The following COPG2 variants were observed in gnomAD, a reference collection of about 807,000 sequenced individuals.
COPG2 encodes the protein coatomer subunit gamma-2.
A neutral mutation model predicts 46.3 loss-of-function variants in COPG2; 37 were observed. The observed-to-expected ratio is 0.80, with a 90% confidence interval of 0.61 to 1.05. The LOEUF (loss-of-function observed/expected upper bound fraction) is 1.05, where lower values mean the gene tolerates loss of function less well. Ranked by LOEUF, COPG2 falls within the 50% of genes least tolerant of loss-of-function variation. The pLI is 0.00. For missense variants in COPG2, 427 were observed against 387.8 expected (o/e 1.10, Z -0.85); for synonymous variants, 159 against 129.7 (o/e 1.23, Z -1.53).
chr7:130,613,190 T>C lies in COPG2; in HGVS notation c.492+354A>G, dbSNP rs114644874. 3.5e-3 allele frequency among the ~76,000 whole-genome samples: 536 copies of C among 152,186 alleles called. 6 individuals carry two copies. The highest frequency in any genetic ancestry group is 0.012 in the African/African-American group (510 of 41,478). On this transcript the variant is annotated intron_variant, in intron 7 of 23. Transcript: ENST00000425248. ...CAGATCATTAGGCATTAGATTCTCATATGAGGCCGGCAACCTAGATCCCTG... is the reference window on the plus strand; with the variant it reads ...CAGATCATTAGGCATTAGATTCTCACATGAGGCCGGCAACCTAGATCCCTG...
chr7:130,580,297 C>G (rs1332197065), intron 9 of COPG2, among the ~76,000 whole-genome samples: 2 of 145,116 alleles, frequency 1.4e-5, no homozygotes, highest in East Asian at 4.1e-4. Context: ...TTGAAACCAA[C>G]GAGAACAAAG....
intron 20 of COPG2, among the ~76,000 whole-genome samples, chr7:130,545,170 TATTTCATTTCATTTCATTTC>T (rs1221165104): frequency 6.7e-5 from 10 of 150,028 alleles, no homozygotes; most frequent in African/African-American, 1.2e-4. Context: ...ACTTACCTAT[TATTTCATTTCATTTCATTTC>T]ATTTCATTTC....
intron 11 of COPG2, among the ~76,000 whole-genome samples, chr7:130,561,449 A>C (rs1483203070): frequency 6.6e-6 from 1 of 152,226 alleles, no homozygotes; most frequent in East Asian, 1.9e-4. Flanking sequence ...TAACCTTTCT[A>C]ACATTACCAT....
intron 9 of COPG2, among the ~76,000 whole-genome samples, chr7:130,587,127 T>C (rs1794290774): frequency 6.6e-6 from 1 of 151,718 alleles, no homozygotes; most frequent in Non-Finnish European, 1.5e-5. Flanking sequence ...GCCAGCATGA[T>C]GAAACCCCGT....
chr7:130,556,808 A>C (rs2116395266), intron 12 of COPG2, among the ~76,000 whole-genome samples: 1 of 152,302 alleles, frequency 6.6e-6, no homozygotes, highest in South Asian at 2.1e-4. Flanking sequence ...GGCTTTGATA[A>C]AATCCAACAT....
chr7:130,595,361 G>A (rs527454365), intron 9 of COPG2, among the ~76,000 whole-genome samples: 1 of 152,328 alleles, frequency 6.6e-6, no homozygotes, highest in East Asian at 1.9e-4. Flanking sequence ...AGAGGGAAAA[G>A]GAGAATGCAG....
chr7:130,526,814 C>T (rs1191869189), intron 20 of COPG2, among the ~76,000 whole-genome samples: 3 of 35,754 alleles, frequency 8.4e-5, no homozygotes, highest in African/African-American at 3.2e-4. Flanking sequence ...ACGGATCCGG[C>T]GGGAAAGGGT....
At chr7:130,660,023 G>T (rs115399704) in intron 4 of COPG2, among the ~76,000 whole-genome samples, 2 of 152,134 alleles carry the variant, frequency 1.3e-5, no homozygotes, top group Admixed American at 6.5e-5. Context: ...TATAAACAAC[G>T]ATAGAAGAAT....
rs1414838764 is a variant in COPG2 at position 130,506,311 on chromosome 7, T to TC, written c.*364dup. 1.9e-5 allele frequency: 1 copy of TC among 52,270 alleles called. No individual in the cohort carries two copies. The highest frequency in any genetic ancestry group is 6.6e-4 in the East Asian group (1 of 1,522). 3.2% of individuals were successfully genotyped at this position (52,270 alleles called of 1,614,324 possible). On this transcript the variant is annotated 3_prime_UTR_variant, in exon 24 of 24. Coordinates refer to ENST00000425248, the MANE Select transcript of COPG2 (RefSeq NM_012133.6). ...GACAAAAGTGGACTCTGGCTTCCCC[T>TC]CCCCCCTCCCCCCCACCCCTCTGGG...
In COPG2 at chr7:130,568,060, C is replaced by T. The variant is rs1231310704; in HGVS notation, c.738-3667G>A. The stretch of plus-strand genomic sequence containing the variant: ...TTGGGAGGCCGAGGCAGGCAGATCA[C>T]GAGGTCAGGAGTTTGAGACCAGCCT... On this transcript the variant is annotated intron_variant, in intron 9 of 23. Coordinates refer to ENST00000425248, the MANE Select transcript of COPG2 (RefSeq NM_012133.6). 9.2e-5 allele frequency among the ~76,000 whole-genome samples: 14 copies of T among 152,150 alleles called. 1 individual carries two copies. Among genetic ancestry groups the T allele is most frequent in the South Asian group, 4.2e-4 (2 of 4,816 alleles).
At position 130,552,377 on chromosome 7, in the gene COPG2, T is replaced by C. The variant is rs1793545691; in HGVS notation, c.1522A>G (p.Ser508Gly). 7 of 398,368 alleles carry C rather than the reference T, an allele frequency of 1.8e-5. No individual in the cohort carries two copies. In the South Asian group the frequency reaches 3.8e-4, roughly 22 times the overall value. The allele number at this position is 398,368 out of a possible 1,614,324, so 24.7% of individuals were successfully genotyped here. Reference protein sequence around the residue: ...FGAQNESLLPSILVLLQRCMM... With the variant: ...FGAQNESLLPGILVLLQRCMM... ...TACCTCTGTAAGAGTACAAGGATGC[T>C]TGGGAGAAGACTCTCATTCTGAGCC... is the stretch of plus-strand genomic sequence containing the variant. Residue 508 changes from serine (S) to glycine (G), a missense_variant, in exon 15 of 24, where the codon AGC becomes GGC. By Grantham distance (56) the Ser-to-Gly change is moderately conservative. Transcript: ENST00000425248.
intron 20 of COPG2, among the ~76,000 whole-genome samples, chr7:130,532,277 G>C (rs963415580): frequency 5.3e-5 from 8 of 152,314 alleles, no homozygotes; most frequent in Admixed American, 1.3e-4. Context: ...GTCCCAGACT[G>C]GAGGACTCAG....
chr7:130,510,338 T>C, intron 20 of COPG2: 1 of 432,740 alleles, frequency 2.3e-6, no homozygotes. Context: ...TTAATTAGGA[T>C]AGGATTTTCT....
At chr7:130,663,730 CTTTTTT>C (rs71178602) in intron 3 of COPG2, among the ~76,000 whole-genome samples, 2 of 67,148 alleles carry the variant, frequency 3.0e-5, no homozygotes, top group Non-Finnish European at 5.3e-5. Flanking sequence ...CATTTCTTTT[CTTTTTT>C]TTTTTTTTTT....
chr7:130,637,520 A>G (rs1403811538), intron 5 of COPG2, among the ~76,000 whole-genome samples: 4 of 151,990 alleles, frequency 2.6e-5, no homozygotes, highest in Admixed American at 2.6e-4. Context: ...CAATTTGGCT[A>G]TTGATACTTG....
intron 9 of COPG2, among the ~76,000 whole-genome samples, chr7:130,578,745 T>A (rs1343634970): frequency 6.6e-6 from 1 of 151,754 alleles, no homozygotes; most frequent in East Asian, 1.9e-4. Context: ...AGAAAGGGTA[T>A]CAGCAATGGA....
intron 6 of COPG2, among the ~76,000 whole-genome samples, chr7:130,614,578 A>G (rs1554452587): frequency 1.3e-5 from 2 of 152,174 alleles, no homozygotes; most frequent in Non-Finnish European, 2.9e-5. Context: ...ATCCCTCCAG[A>G]TATAATGAAC....
chr7:130,521,247 A>C (rs1423756682), intron 20 of COPG2, among the ~76,000 whole-genome samples: 1 of 152,216 alleles, frequency 6.6e-6, no homozygotes, highest in African/African-American at 2.4e-5. Flanking sequence ...TGGACATAAG[A>C]GAGACAGTGT....
At chr7:130,526,288 G>A (rs1459423527) in intron 20 of COPG2, among the ~76,000 whole-genome samples, 3 of 152,134 alleles carry the variant, frequency 2.0e-5, no homozygotes, top group African/African-American at 4.8e-5. Context: ...AAGTTTGAGC[G>A]GTGAGGAGAG....
Sources: gnomAD v4.1 joint callset for allele counts (sites outside exome capture counted in the v4.1 genomes callset) on GRCh38, gnomAD v4.1.1 for gene constraint, MANE v1.5 for transcripts, NCBI Gene and HGNC (gene_info 2026-07-23, HGNC 2026-07-21) for gene names.